ARHGEF3: variants seen among roughly 807,000 people sequenced by gnomAD.
ARHGEF3 encodes Rho guanine nucleotide exchange factor 3, also known as 59.8 kDA protein.
A neutral mutation model predicts 63.2 loss-of-function variants in ARHGEF3; 28 were observed. That is an observed-to-expected ratio of 0.44 (90% CI 0.33 to 0.61). The LOEUF is 0.61. Among genes scored for constraint, ARHGEF3 ranks in the 20% least tolerant of loss-of-function variants. ARHGEF3 has a pLI of 0.03. For synonymous variants in ARHGEF3, 266 were observed against 254.2 expected, an observed-to-expected ratio of 1.05 and a Z score of -0.44; for missense variants, 533 against 659.3, an observed-to-expected ratio of 0.81 and a Z score of 2.10.
intron 2 of ARHGEF3, among the ~76,000 whole-genome samples, chr3:57,002,308 G>A (rs888150910): frequency 2.5e-4 from 38 of 150,258 alleles, no homozygotes; most frequent in African/African-American, 9.0e-4. Context: ...AACCAAATTG[G>A]AAGATGGAAT....
chr3:56,982,154 G>C (rs1405478002), intron 2 of ARHGEF3, among the ~76,000 whole-genome samples: 1 of 152,028 alleles, frequency 6.6e-6, no homozygotes, highest in Non-Finnish European at 1.5e-5. Context: ...GAGACCAAGA[G>C]AGAGAAGGCT....
At chr3:56,746,344 G>A (rs781040819) in intron 6 of ARHGEF3, among the ~76,000 whole-genome samples, 1 of 152,174 alleles carries the variant, frequency 6.6e-6, no homozygotes, top group South Asian at 2.1e-4. Flanking sequence ...CTACTATATG[G>A]CAGACACTCT....
At chr3:57,013,757 G>A (rs779594841) in intron 2 of ARHGEF3, among the ~76,000 whole-genome samples, 41 of 152,130 alleles carry the variant, frequency 2.7e-4, no homozygotes, top group Non-Finnish European at 4.7e-4. Flanking sequence ...ATCAGCACTT[G>A]GTGTCTAGCT....
chr3:56,967,895 ATAAATAATATATTATATAT>A (rs1308682230), intron 2 of ARHGEF3, among the ~76,000 whole-genome samples: 10 of 76,456 alleles, frequency 1.3e-4, no homozygotes, highest in South Asian at 1.2e-3. Flanking sequence ...TATATAATAT[ATAAATAATATATTATATAT>A]AATATATTAT....
At chr3:56,891,729 T>A (rs572524921) in intron 3 of ARHGEF3, among the ~76,000 whole-genome samples, 1 of 152,206 alleles carries the variant, frequency 6.6e-6, no homozygotes, top group East Asian at 1.9e-4. Flanking sequence ...AATAGATCAG[T>A]GTGGGTAAAG....
At chr3:56,994,084 A>AAAAAAAAAAAAAAAAAAAAAAAAC (rs1701881374) in intron 2 of ARHGEF3, among the ~76,000 whole-genome samples, 1 of 146,362 alleles carries the variant, frequency 6.8e-6, no homozygotes, top group Non-Finnish European at 1.5e-5. Context: ...AAAAAAAAAA[A>AAAAAAAAAAAAAAAAAAAAAAAAC]AGCACACTGT....
intron 4 of ARHGEF3, among the ~76,000 whole-genome samples, chr3:56,859,360 C>A (rs1358394516): frequency 2.6e-5 from 4 of 151,832 alleles, no homozygotes; most frequent in African/African-American, 9.7e-5. Flanking sequence ...AGGATGGTCT[C>A]GATCTCCTGA....
intron 3 of ARHGEF3, among the ~76,000 whole-genome samples, chr3:56,944,236 G>T (rs1482779018): frequency 6.6e-6 from 1 of 152,176 alleles, no homozygotes; most frequent in Non-Finnish European, 1.5e-5. Context: ...GCCATAGACA[G>T]TGTTTCCTCT....
chr3:56,796,480 A>C (rs1028104662), intron 1 of ARHGEF3, among the ~76,000 whole-genome samples: 2 of 152,234 alleles, frequency 1.3e-5, no homozygotes, highest in Non-Finnish European at 2.9e-5. Context: ...GGTCTTGAGA[A>C]ACACAAAATG....
At chr3:57,043,161 G>A (rs1704299623) in intron 1 of ARHGEF3, among the ~76,000 whole-genome samples, 1 of 151,208 alleles carries the variant, frequency 6.6e-6, no homozygotes, top group Non-Finnish European at 1.5e-5. Context: ...TGTTGCCCAG[G>A]CTAGAGTGCA....
chr3:56,783,440 A>G (rs928497363), intron 1 of ARHGEF3, among the ~76,000 whole-genome samples: 3 of 152,230 alleles, frequency 2.0e-5, no homozygotes, highest in Non-Finnish European at 4.4e-5. Flanking sequence ...GTGAATGTTC[A>G]TGGCATACCA....
Position 57,056,925 on chromosome 3 carries a change from G to A in ARHGEF3, c.-27-21749C>T, listed in dbSNP as rs144493725. Among the ~76,000 whole-genome samples, 6 of 151,936 alleles carry A rather than the reference G, an allele frequency of 3.9e-5. No individual in the cohort carries two copies. In the East Asian group the frequency reaches 1.2e-3, roughly 30 times the overall value. ...AAAGGCTCCTCTTGGCCTTGACCAT[G>A]CAGGTCTATACACACACACACACCC... is the stretch of plus-strand genomic sequence containing the variant. On this transcript the variant is annotated intron_variant, in intron 1 of 12. Coordinates refer to the ARHGEF3 transcript ENST00000338458.
At chr3:57,062,259 GGTGA>G (rs1705262460) in intron 1 of ARHGEF3, among the ~76,000 whole-genome samples, 1 of 152,214 alleles carries the variant, frequency 6.6e-6, no homozygotes, top group African/African-American at 2.4e-5. Context: ...TCTAGCGCTG[GGTGA>G]GTGCCTTCAA....
chr3:57,064,585 G>A (rs182139070), intron 1 of ARHGEF3, among the ~76,000 whole-genome samples: 1 of 152,312 alleles, frequency 6.6e-6, no homozygotes, highest in East Asian at 1.9e-4. Flanking sequence ...TGGGATTACA[G>A]GCATGAGCCA....
At chr3:56,755,188 C>T in intron 2 of ARHGEF3, 37 bp from the exon 3 acceptor site, 3 of 1,603,788 alleles carry the variant, frequency 1.9e-6, no homozygotes, top group Non-Finnish European at 2.5e-6. Context: ...ACGGGGGCAG[C>T]GGCAGGACTG....
intron 3 of ARHGEF3, among the ~76,000 whole-genome samples, chr3:56,945,860 T>C (rs1190173810): frequency 6.6e-6 from 1 of 152,102 alleles, no homozygotes; most frequent in Non-Finnish European, 1.5e-5. Flanking sequence ...CCGAGTAACC[T>C]AACTGGGAGG....
At chr3:56,960,395 C>T (rs1161968256) in intron 2 of ARHGEF3, among the ~76,000 whole-genome samples, 3 of 152,170 alleles carry the variant, frequency 2.0e-5, no homozygotes, top group Non-Finnish European at 4.4e-5. Flanking sequence ...TGTTTATTAG[C>T]GCTGTGACTC....
chr3:57,008,230 C>A (rs1702543415), intron 2 of ARHGEF3, among the ~76,000 whole-genome samples: 1 of 152,046 alleles, frequency 6.6e-6, no homozygotes, highest in African/African-American at 2.4e-5. Flanking sequence ...AGGAGGTGGC[C>A]CTGCCAAGAA....
intron 4 of ARHGEF3, among the ~76,000 whole-genome samples, chr3:56,854,604 A>G (rs568374300): frequency 4.6e-5 from 7 of 152,286 alleles, no homozygotes. Context: ...TCTGAAAGGT[A>G]GAGTCACTGG....
Sources: allele counts gnomAD v4.1 joint callset (sites outside exome capture counted in the v4.1 genomes callset), GRCh38; gene constraint gnomAD v4.1.1; transcripts MANE v1.5; gene names NCBI Gene and HGNC (gene_info 2026-07-23, HGNC 2026-07-21).